The following AP2B1 variants were observed in gnomAD, a reference collection of about 807,000 sequenced individuals.
AP2B1 encodes AP-2 complex subunit beta.
AP2B1 carries 23 observed loss-of-function variants against 102.0 expected under a neutral mutation model. The observed-to-expected ratio is 0.23, with a 90% CI of 0.16 to 0.32. AP2B1 has a LOEUF of 0.32. Ranked by LOEUF, AP2B1 falls within the 10% of genes least tolerant of loss-of-function variation. AP2B1 has a pLI of 1.00. For synonymous variants in AP2B1, 381 were observed against 421.2 expected, an observed-to-expected ratio of 0.90 and a Z score of 1.17; for missense variants, 541 against 1,157.4, an observed-to-expected ratio of 0.47 and a Z score of 7.73.
intron 10 of AP2B1, among the ~76,000 whole-genome samples, chr17:35,639,257 CAG>C (rs1351711954): frequency 6.6e-6 from 1 of 152,090 alleles, no homozygotes; most frequent in East Asian, 1.9e-4. Flanking sequence ...CGCTTGAGCC[CAG>C]GACTTTGAGG....
intron 11 of AP2B1, among the ~76,000 whole-genome samples, chr17:35,640,637 A>C (rs533350711): frequency 6.6e-6 from 1 of 152,320 alleles, no homozygotes; most frequent in African/African-American, 2.4e-5. Flanking sequence ...TTTTTAAAGC[A>C]CATGTTGCTG....
intron 2 of AP2B1, chr17:35,597,033 A>G: frequency 1.7e-6 from 1 of 601,742 alleles, no homozygotes. Flanking sequence ...GTGGCGGCGA[A>G]GCCCCGTTGT....
chr17:35,640,976 A>G (rs933033454), intron 11 of AP2B1, among the ~76,000 whole-genome samples: 6 of 152,350 alleles, frequency 3.9e-5, no homozygotes, highest in Admixed American at 2.6e-4. Context: ...CAGGAAGCCA[A>G]TAAATTATTA....
At chr17:35,668,468 T>C (rs1389748570) in intron 14 of AP2B1, among the ~76,000 whole-genome samples, 2 of 152,166 alleles carry the variant, frequency 1.3e-5, no homozygotes, top group Non-Finnish European at 2.9e-5. Context: ...CGCTACTCTC[T>C]GCAACCCCCA....
At chr17:35,648,775 A>T (rs1038649849) in intron 12 of AP2B1, among the ~76,000 whole-genome samples, 50 of 81,382 alleles carry the variant, frequency 6.1e-4, no homozygotes, top group Middle Eastern at 6.2e-3. Context: ...TGTGTGTGTG[A>T]CCCATCTGGA....
At chr17:35,718,579 A>G (rs1318802467) in intron 21 of AP2B1, among the ~76,000 whole-genome samples, 2 of 152,046 alleles carry the variant, frequency 1.3e-5, no homozygotes, top group Non-Finnish European at 2.9e-5. Flanking sequence ...AAACCAAGAT[A>G]GCACATGCCT....
intron 18 of AP2B1, among the ~76,000 whole-genome samples, chr17:35,707,555 C>T (rs1192095619): frequency 6.6e-6 from 1 of 151,142 alleles, no homozygotes; most frequent in African/African-American, 2.4e-5. Flanking sequence ...CAAGTTCAAG[C>T]TATTCTCCCA....
At chr17:35,719,480 C>A (rs144881393) in intron 21 of AP2B1, among the ~76,000 whole-genome samples, 54 of 152,300 alleles carry the variant, frequency 3.5e-4, no homozygotes, top group African/African-American at 1.2e-3. Context: ...ATAAATTACA[C>A]ATGTAACATG....
intron 15 of AP2B1, 63 bp from the exon 16 acceptor site, chr17:35,671,691 A>T: frequency 6.5e-7 from 1 of 1,531,766 alleles, no homozygotes; most frequent in Non-Finnish European, 9.0e-7. Context: ...ATATAGCAAT[A>T]TTTTAAGGAC....
chr17:35,671,606 A>G (rs1159653201), intron 15 of AP2B1, 148 bp from the exon 16 acceptor site: 1 of 794,322 alleles, frequency 1.3e-6, no homozygotes, highest in Non-Finnish European at 2.0e-6. Flanking sequence ...AAAAAGATGA[A>G]GAATATACTA....
chr17:35,692,029 G>A (rs1426227908), intron 18 of AP2B1, among the ~76,000 whole-genome samples: 1 of 152,004 alleles, frequency 6.6e-6, no homozygotes, highest in African/African-American at 2.4e-5. Context: ...TTGTCTTTCT[G>A]TAACCAGCAC....
At chr17:35,591,054 G>A (rs2073078981) in intron 1 of AP2B1, among the ~76,000 whole-genome samples, 2 of 150,986 alleles carry the variant, frequency 1.3e-5, no homozygotes, top group African/African-American at 4.9e-5. Flanking sequence ...GGTGCCTGTA[G>A]TCCCAGCTAC....
chr17:35,718,312 C>CTGTG (rs57852031), intron 21 of AP2B1, among the ~76,000 whole-genome samples: 3,190 of 139,296 alleles, frequency 0.023, 46 homozygotes, highest in Non-Finnish European at 0.028. Flanking sequence ...GTTGGAGTAG[C>CTGTG]TGTGTGTGTG....
chr17:35,710,019 T>C (rs1399955031), intron 19 of AP2B1, among the ~76,000 whole-genome samples: 2 of 152,198 alleles, frequency 1.3e-5, no homozygotes. Flanking sequence ...ACCCTAGATA[T>C]AGACTCTTTT....
chr17:35,656,699 C>T (rs563171926), intron 13 of AP2B1, among the ~76,000 whole-genome samples: 4 of 151,838 alleles, frequency 2.6e-5, no homozygotes, highest in African/African-American at 4.8e-5. Context: ...ATCGAGACCA[C>T]GGTGATACCC....
chr17:35,629,017 C>T (rs1444861751), intron 9 of AP2B1, among the ~76,000 whole-genome samples: 2 of 151,724 alleles, frequency 1.3e-5, no homozygotes, highest in African/African-American at 2.4e-5. Context: ...GGTATGATCT[C>T]GGCTCACTGC....
intron 18 of AP2B1, among the ~76,000 whole-genome samples, chr17:35,687,153 C>T (rs1263802085): frequency 6.6e-6 from 1 of 152,132 alleles, no homozygotes; most frequent in Non-Finnish European, 1.5e-5. Context: ...GGGTCTCACT[C>T]TGTCACCCAG....
At chr17:35,669,907 T>A (rs964615933) in intron 14 of AP2B1, among the ~76,000 whole-genome samples, 2 of 152,244 alleles carry the variant, frequency 1.3e-5, no homozygotes, top group Admixed American at 1.3e-4. Flanking sequence ...ACTGTGGAAC[T>A]GTAGCAAAAA....
intron 18 of AP2B1, among the ~76,000 whole-genome samples, chr17:35,703,834 A>AAGTTAAATTTTTTTAAAAAG (rs71152745): frequency 0.013 from 1,968 of 152,118 alleles, 57 homozygotes; most frequent in African/African-American, 0.046. Flanking sequence ...CTTGAAATAA[A>AAGTTAAATTTTTTTAAAAAG]AGTTCAGTTT....
Sources: allele counts gnomAD v4.1 joint callset (sites outside exome capture counted in the v4.1 genomes callset), GRCh38; gene constraint gnomAD v4.1.1; transcripts MANE v1.5; gene names NCBI Gene and HGNC (gene_info 2026-07-23, HGNC 2026-07-21).